KCNIP4: variants seen among roughly 807,000 people sequenced by gnomAD.
The protein encoded by KCNIP4 is potassium voltage-gated channel interacting protein 4, also known as Kv channel-interacting protein 4.
A neutral mutation model predicts 34.0 loss-of-function variants in KCNIP4; 12 were observed. The ratio of observed to expected loss-of-function variants is 0.35; its 90% confidence interval spans 0.23 to 0.57. The LOEUF is 0.57. Among genes scored for constraint, KCNIP4 ranks in the 20% least tolerant of loss-of-function variants. The pLI, the probability that KCNIP4 is intolerant of heterozygous loss-of-function variation, is 0.83. For synonymous variants in KCNIP4, 124 were observed against 102.2 expected, an observed-to-expected ratio of 1.21 and a Z score of -1.29; for missense variants, 238 against 311.7, an observed-to-expected ratio of 0.76 and a Z score of 1.78.
intron 1 of KCNIP4, among the ~76,000 whole-genome samples, chr4:20,926,107 T>C (rs1301394422): frequency 1.3e-5 from 2 of 152,176 alleles, no homozygotes; most frequent in Non-Finnish European, 2.9e-5. Context: ...AAATTACCCT[T>C]ATCAGACAGC....
intron 1 of KCNIP4, among the ~76,000 whole-genome samples, chr4:21,126,633 G>GAAAAAAAAAAAAAAAAAAAA (rs796803101): frequency 8.5e-6 from 1 of 117,806 alleles, no homozygotes; most frequent in Non-Finnish European, 1.9e-5. Flanking sequence ...AAAAAAAAAA[G>GAAAAAAAAAAAAAAAAAAAA]AAAAGAAAAA....
intron 1 of KCNIP4, among the ~76,000 whole-genome samples, chr4:21,892,823 C>T (rs1387344729): frequency 6.6e-6 from 1 of 152,064 alleles, no homozygotes; most frequent in Non-Finnish European, 1.5e-5. Context: ...TTAACAGGGG[C>T]AACAAAATAG....
chr4:20,839,300 A>G (rs1284204052), intron 3 of KCNIP4, among the ~76,000 whole-genome samples: 1 of 152,104 alleles, frequency 6.6e-6, no homozygotes, highest in East Asian at 1.9e-4. Flanking sequence ...TGAATAAAGC[A>G]TATATACATC....
At chr4:21,711,467 C>T (rs919396111) in intron 1 of KCNIP4, among the ~76,000 whole-genome samples, 3 of 151,100 alleles carry the variant, frequency 2.0e-5, no homozygotes, top group Non-Finnish European at 2.9e-5. Flanking sequence ...GGTGACAGAG[C>T]GAGACTCCGT....
At chr4:21,349,634 TA>T (rs60577659) in intron 1 of KCNIP4, among the ~76,000 whole-genome samples, 1,791 of 152,174 alleles carry the variant, frequency 0.012, 30 homozygotes, top group African/African-American at 0.041. Flanking sequence ...CACCAGTGAC[TA>T]GTTATACCCC....
chr4:21,660,039 C>T (rs1432476034), intron 1 of KCNIP4, among the ~76,000 whole-genome samples: 2 of 152,112 alleles, frequency 1.3e-5, no homozygotes, highest in African/African-American at 4.8e-5. Context: ...GCTAGTCCCT[C>T]AATCTACAAT....
chr4:21,302,533 G>C (rs1047027944), intron 1 of KCNIP4, among the ~76,000 whole-genome samples: 5 of 152,198 alleles, frequency 3.3e-5, no homozygotes, highest in African/African-American at 1.2e-4. Flanking sequence ...GGTTTCATGA[G>C]AGTGTACAAC....
chr4:21,651,714 G>A, intron 1 of KCNIP4, among the ~76,000 whole-genome samples: 2 of 152,098 alleles, frequency 1.3e-5, no homozygotes, highest in African/African-American at 2.4e-5. Flanking sequence ...AATGAAAACA[G>A]GATGTCCTTA....
At chr4:21,057,249 G>A (rs1743490186) in intron 1 of KCNIP4, among the ~76,000 whole-genome samples, 1 of 152,078 alleles carries the variant, frequency 6.6e-6, no homozygotes, top group Non-Finnish European at 1.5e-5. Flanking sequence ...TACAAACAAG[G>A]AAGAAAAAGT....
At chr4:21,057,054 A>G (rs1325741068) in intron 1 of KCNIP4, among the ~76,000 whole-genome samples, 1 of 152,124 alleles carries the variant, frequency 6.6e-6, no homozygotes, top group Admixed American at 6.6e-5. Flanking sequence ...TGTGGATGCT[A>G]TTGTTGTTGC....
chr4:21,338,848 A>G (rs73802580), intron 1 of KCNIP4, among the ~76,000 whole-genome samples: 1,954 of 152,168 alleles, frequency 0.013, 38 homozygotes, highest in African/African-American at 0.045. Context: ...TCATCACTTA[A>G]TCAGTTATAT....
intron 1 of KCNIP4, among the ~76,000 whole-genome samples, chr4:21,318,624 C>T (rs769425938): frequency 1.1e-4 from 16 of 152,176 alleles, no homozygotes; most frequent in East Asian, 3.9e-4. Context: ...GAAGCGAAAA[C>T]GACACACTAC....
intron 1 of KCNIP4, among the ~76,000 whole-genome samples, chr4:21,113,433 G>A (rs12643360): frequency 0.31 from 39,921 of 127,596 alleles, 6,664 homozygotes; most frequent in African/African-American, 0.47. Flanking sequence ...TAAAGGAGAG[G>A]TTGTGCATCT....
intron 1 of KCNIP4, among the ~76,000 whole-genome samples, chr4:21,795,879 C>T (rs1720592845): frequency 2.6e-5 from 4 of 152,044 alleles, no homozygotes. Flanking sequence ...ACCAGACTGG[C>T]CAACACATGG....
rs1272219463 is a variant in KCNIP4 at position 21,450,945 on chromosome 4, T to C, written c.61+497626A>G. 2.0e-5 allele frequency among the ~76,000 whole-genome samples: 3 copies of C among 152,264 alleles called. No homozygotes were observed. The East Asian group carries it at 5.8e-4, about 29-fold the overall frequency. On this transcript the variant is annotated intron_variant, in intron 1 of 8. Coordinates refer to ENST00000382152, the MANE Select transcript of KCNIP4 (RefSeq NM_025221.6). ...ATCACAAATAATTTGGGATTTGCAA[T>C]TATGAGAATTGAGGGCATTAAACTT...
intron 1 of KCNIP4, among the ~76,000 whole-genome samples, chr4:21,833,087 G>T (rs1421933094): frequency 6.7e-6 from 1 of 150,292 alleles, no homozygotes; most frequent in Non-Finnish European, 1.5e-5. Context: ...ATGATTTATA[G>T]TCCTTTGGGT....
intron 1 of KCNIP4, among the ~76,000 whole-genome samples, chr4:21,239,071 C>T (rs868381470): frequency 4.3e-4 from 66 of 152,070 alleles, no homozygotes; most frequent in African/African-American, 1.5e-3. Flanking sequence ...AATAATGCTG[C>T]ATATCTACAA....
intron 1 of KCNIP4, among the ~76,000 whole-genome samples, chr4:21,925,531 C>G (rs190025454): frequency 6.6e-6 from 1 of 152,042 alleles, no homozygotes; most frequent in African/African-American, 2.4e-5. Context: ...GTGAATAGTG[C>G]TGCTATAAAC....
At chr4:21,238,272 C>A (rs1452968677) in intron 1 of KCNIP4, among the ~76,000 whole-genome samples, 1 of 152,080 alleles carries the variant, frequency 6.6e-6, no homozygotes, top group Non-Finnish European at 1.5e-5. Flanking sequence ...CAGCCAATAT[C>A]ATACTGAATG....
Sources: allele counts gnomAD v4.1 joint callset (sites outside exome capture counted in the v4.1 genomes callset), GRCh38; gene constraint gnomAD v4.1.1; transcripts MANE v1.5; gene names NCBI Gene and HGNC (gene_info 2026-07-23, HGNC 2026-07-21).